PSMA2: variants seen among roughly 807,000 people sequenced by gnomAD.
PSMA2 encodes proteasome 20S subunit alpha 2, also known as proteasome subunit alpha type-2.
PSMA2 carries 2 observed loss-of-function variants against 35.9 expected under a neutral mutation model. The ratio of observed to expected loss-of-function variants is 0.06; its 90% CI spans 0.02 to 0.18. The LOEUF (loss-of-function observed/expected upper bound fraction) is 0.18, where lower values mean the gene tolerates loss of function less well. PSMA2 is among the 10% of genes least tolerant of loss of function. PSMA2 has a pLI of 1.00. For missense variants in PSMA2, 126 were observed against 278.8 expected (o/e 0.45, Z 3.90); for synonymous variants, 97 against 98.2 (o/e 0.99, Z 0.07).
chr7:42,927,128 A>T (rs1786227843), intron 2 of PSMA2, among the ~76,000 whole-genome samples: 1 of 41,350 alleles, frequency 2.4e-5, no homozygotes, highest in Non-Finnish European at 6.1e-5. Flanking sequence ...AAAACAAAAA[A>T]AGAACTCAGT....
Position 42,926,611 on chromosome 7 carries a change from T to A in PSMA2, c.176A>T (p.Glu59Val). The A allele has an allele frequency of 1.2e-6, 2 of 1,612,604 alleles. No individual in the cohort carries two copies. Among genetic ancestry groups the A allele is most frequent in the Non-Finnish European group, 1.7e-6 (2 of 1,179,594 alleles). ...EKKQKSILYDERSVHKVEPIT... is the reference protein window; with the variant it reads ...EKKQKSILYDVRSVHKVEPIT... ...TGGTTCTACTTTGTGTACACTTCGC[T>A]CATCATACAGAATGGATTTCTGTTT... Residue 59 changes from glutamate (E) to valine (V), a missense_variant, in exon 3 of 8, where the codon GAG (glutamate) becomes GTG (valine). Physicochemically the swap from Glu to Val is moderately radical, Grantham distance 121. Coordinates refer to ENST00000223321, the MANE Select transcript of PSMA2 (RefSeq NM_002787.5).
intron 1 of PSMA2, among the ~76,000 whole-genome samples, chr7:42,930,165 T>C (rs1253144407): frequency 6.6e-6 from 1 of 151,822 alleles, no homozygotes; most frequent in East Asian, 1.9e-4. Flanking sequence ...TAGAAACAAA[T>C]ATTTTCTTTT....
At chr7:42,923,278 A>T in intron 5 of PSMA2, 47 bp downstream of exon 5, 1 of 1,393,980 alleles carries the variant, frequency 7.2e-7, no homozygotes, top group Non-Finnish European at 1.0e-6. Flanking sequence ...TTAGATATTC[A>T]AAGAGCACTT....
rs1060304 is a variant in PSMA2 at position 42,917,334 on chromosome 7, G to A, written c.*240C>T. 29,069 of 362,716 alleles carry A rather than the reference G, an allele frequency of 0.08. 1,516 individuals are homozygous for A. The highest frequency in any genetic ancestry group is 0.11 in the Middle Eastern group (142 of 1,256). The allele number at this position is 362,716 out of a possible 1,614,324, so 22.5% of individuals were successfully genotyped here. A position where few individuals can be genotyped will look rare whatever the true frequency, so the allele number is the denominator to read the frequency against. On this transcript the variant is annotated 3_prime_UTR_variant, in exon 8 of 8. Transcript: ENST00000223321. The stretch of plus-strand genomic sequence containing the variant: ...TCATTTCATCATTCTGCTTGGCAAT[G>A]TAGTCTTCAGAAATCAACTGTGATA...
intron 1 of PSMA2, chr7:42,931,080 C>T (rs1583610616): frequency 2.6e-6 from 1 of 386,402 alleles, no homozygotes; most frequent in East Asian, 9.0e-5. Context: ...GTTTGAATGT[C>T]AACTCAGCTA....
chr7:42,921,952 A>G, intron 5 of PSMA2, 21 bp from the exon 6 acceptor site: 1 of 1,584,862 alleles, frequency 6.3e-7, no homozygotes, highest in Non-Finnish European at 8.6e-7. Context: ...AAGAAAGAGT[A>G]AAAAACCATA....
At position 42,917,846 on chromosome 7, in the gene PSMA2, T is replaced by TA. The variant is rs770353722; in HGVS notation, c.531-12dup. The stretch of plus-strand genomic sequence containing the variant: ...AGATCTTCATTATATCTGAAGAATT[T>TA]AAAAAAAATTACTTATATCATTGTT... On this transcript the variant is annotated splice_polypyrimidine_tract_variant and intron_variant, in intron 6 of 7. Coordinates refer to ENST00000223321, the MANE Select transcript of PSMA2 (RefSeq NM_002787.5). The TA allele has an allele frequency of 2.8e-5, 43 of 1,524,864 alleles. No individual in the cohort carries two copies. Among genetic ancestry groups the TA allele is most frequent in the South Asian group, 1.2e-4 (10 of 83,860 alleles). 94.5% of individuals were successfully genotyped at this position (1,524,864 alleles called of 1,614,324 possible). A position where few individuals can be genotyped will look rare whatever the true frequency, so the allele number is the denominator to read the frequency against.
At chr7:42,922,764 T>C (rs1333051377) in intron 5 of PSMA2, among the ~76,000 whole-genome samples, 1 of 152,196 alleles carries the variant, frequency 6.6e-6, no homozygotes, top group Admixed American at 6.5e-5. Flanking sequence ...TTTCCTAATC[T>C]TGAATTTTGT....
intron 6 of PSMA2, chr7:42,918,247 A>G (rs1033933518): frequency 6.5e-6 from 1 of 153,674 alleles, no homozygotes; most frequent in Non-Finnish European, 1.4e-5. Flanking sequence ...GTCAGCCAGG[A>G]TGGTCTCGAT....
At chr7:42,926,977 A>G (rs1786226600) in intron 2 of PSMA2, among the ~76,000 whole-genome samples, 1 of 152,240 alleles carries the variant, frequency 6.6e-6, no homozygotes, top group African/African-American at 2.4e-5. Flanking sequence ...ACTTGTCCCA[A>G]TATTCTTATA....
chr7:42,923,975 CTTA>C (rs1786165492), intron 4 of PSMA2, among the ~76,000 whole-genome samples: 1 of 152,166 alleles, frequency 6.6e-6, no homozygotes, highest in Non-Finnish European at 1.5e-5. Context: ...TACACCCAAA[CTTA>C]AGAAACTGGG....
chr7:42,921,146 T>C (rs1786123426), intron 6 of PSMA2: 1 of 152,212 alleles, frequency 6.6e-6, no homozygotes, highest in African/African-American at 2.4e-5. Flanking sequence ...CTAGAAGATC[T>C]GCTATGTTCC....
intron 1 of PSMA2, 65 bp from the exon 2 acceptor site, chr7:42,927,524 T>G: frequency 6.8e-7 from 1 of 1,476,622 alleles, no homozygotes; most frequent in Non-Finnish European, 9.5e-7. Flanking sequence ...AGAACATCTC[T>G]GAGATAGTAC....
At chr7:42,930,856 G>C (rs1030972362) in intron 1 of PSMA2, among the ~76,000 whole-genome samples, 2 of 151,974 alleles carry the variant, frequency 1.3e-5, no homozygotes, top group Admixed American at 6.6e-5. Context: ...TTCATAAATA[G>C]GAACAGTGAA....
At chr7:42,920,906 AG>A (rs1315944957) in intron 6 of PSMA2, 2 of 152,222 alleles carry the variant, frequency 1.3e-5, no homozygotes, top group African/African-American at 4.8e-5. Context: ...AGGCACAGAA[AG>A]ATAAATATTG....
At chr7:42,921,558 CT>C (rs893320855) in intron 6 of PSMA2, 165 of 226,798 alleles carry the variant, frequency 7.3e-4, no homozygotes, top group Non-Finnish European at 1.1e-3. Flanking sequence ...ATTCAATGTT[CT>C]TTTTTTTCCC....
chr7:42,927,905 T>TGA (rs1440928411), intron 1 of PSMA2, among the ~76,000 whole-genome samples: 1 of 39,400 alleles, frequency 2.5e-5, no homozygotes, highest in Non-Finnish European at 6.3e-5. Flanking sequence ...AAACCTCGTC[T>TGA]CAAAAAAAAA....
intron 2 of PSMA2, among the ~76,000 whole-genome samples, chr7:42,927,032 C>T (rs1473722331): frequency 6.6e-6 from 1 of 152,220 alleles, no homozygotes; most frequent in African/African-American, 2.4e-5. Context: ...AAGTGAAACA[C>T]AACACATTTA....
Position 42,927,457 on chromosome 7 carries a change from G to A in PSMA2, c.44C>T (p.Pro15Leu). 3 of 1,613,714 alleles carry A rather than the reference G, an allele frequency of 1.9e-6. No homozygotes were observed. The highest frequency in any genetic ancestry group is 2.5e-6 in the Non-Finnish European group (3 of 1,179,724). Reference protein sequence around the residue: ...GYSFSLTTFSPSGKLVQIEYA... With the variant: ...GYSFSLTTFSLSGKLVQIEYA... ...TTCAATCTGGACAAGTTTACCAGAC[G>A]GGCTTAAAAGAAACACAGGTATTTG... The change falls in exon 2 of 8, where the codon CCG (proline) becomes CTG (leucine). Residue 15 changes from proline (P) to leucine (L), a missense_variant and splice_region_variant. Coordinates refer to ENST00000223321, the MANE Select transcript of PSMA2 (RefSeq NM_002787.5).
Sources: allele counts gnomAD v4.1 joint callset (sites outside exome capture counted in the v4.1 genomes callset), GRCh38; gene constraint gnomAD v4.1.1; transcripts MANE v1.5; gene names NCBI Gene and HGNC (gene_info 2026-07-23, HGNC 2026-07-21).